AGRN: variants seen among roughly 807,000 people sequenced by gnomAD.
AGRN encodes the protein agrin proteoglycan.
A neutral mutation model predicts 211.0 loss-of-function variants in AGRN; 106 were observed. That is an observed-to-expected ratio of 0.50 (90% CI 0.43 to 0.59). The LOEUF (loss-of-function observed/expected upper bound fraction) is 0.59, where lower values mean the gene tolerates loss of function less well. Among genes scored for constraint, AGRN ranks in the 20% least tolerant of loss-of-function variants. The pLI is 0.00. For synonymous variants in AGRN, 1,525 were observed against 1,332.5 expected (o/e 1.14, Z -3.15); for missense variants, 3,040 against 2,982.6 (o/e 1.02, Z -0.45).
At position 1,050,270 on chromosome 1, in the gene AGRN, C is replaced by G. The variant is rs1645242609; in HGVS notation, c.4917C>G (p.Asp1639Glu). ...GQDGSGPFLA[D>E]FNGFSHLELR... ...ACGGCTCTGGGCCCTTCCTGGCTGACTTCAACGGCTTCTCCCACCTGGAGC... is the reference window on the plus strand; with the variant it reads ...ACGGCTCTGGGCCCTTCCTGGCTGAGTTCAACGGCTTCTCCCACCTGGAGC... The change falls in exon 28 of 36, where the codon GAC (aspartate) becomes GAG (glutamate). Residue 1639 changes from aspartate to glutamate, a missense_variant. This residue lies in a region of AGRN where 1,537 missense variants were observed against 1,505.0 expected (regional missense o/e 1.02). Transcript: ENST00000379370. 6.2e-7 allele frequency: 1 copy of G among 1,613,032 alleles called. No individual in the cohort carries two copies. The highest frequency in any genetic ancestry group is 1.3e-5 in the African/African-American group (1 of 74,850).
At chr1:1,054,705 T>G (rs1645404715) in intron 35 of AGRN, 119 bp from the exon 36 acceptor site, 1 of 1,487,230 alleles carries the variant, frequency 6.7e-7, no homozygotes, top group Admixed American at 2.0e-5. Context: ...CAGTTCCCAG[T>G]GCTGTGGGGC....
Position 1,055,050 on chromosome 1 carries a change from G to A in AGRN, c.*69G>A. On this transcript the variant is annotated 3_prime_UTR_variant, in exon 36 of 36. Coordinates refer to ENST00000379370, the MANE Select transcript of AGRN (RefSeq NM_198576.4). ...TTGTAAACTTGTTGCTTTTTGATAT[G>A]ATTTTCTTGCCTGAGTGTTGGCCGG... is the stretch of plus-strand genomic sequence containing the variant. 1 of 1,535,608 alleles carries A rather than the reference G, an allele frequency of 6.5e-7. No homozygotes were observed. The highest frequency in any genetic ancestry group is 1.2e-5 in the South Asian group (1 of 83,672).
chr1:1,045,980 G>A lies in AGRN; in HGVS notation c.2697G>A (p.Ala899=), dbSNP rs766144721. Residue 899 remains alanine, a synonymous_variant, in exon 16 of 36, where the codon GCG becomes GCA. Transcript: ENST00000379370. The part of the protein sequence containing the change: ...AGCEADASAP[A]TCAEMRCEFG... The stretch of plus-strand genomic sequence containing the variant: ...GTGCCCCAGACGCTTCTGCGCCTGC[G>A]ACCTGTGCGGAGATGCGCTGTGAGT... The A allele has an allele frequency of 5.0e-5, 80 of 1,613,714 alleles. 1 individual carries two copies. The highest frequency in any genetic ancestry group is 9.9e-5 in the South Asian group (9 of 91,092).
At chr1:1,052,150 C>A in intron 33 of AGRN, 2 of 1,140,192 alleles carry the variant, frequency 1.8e-6, no homozygotes, top group South Asian at 1.3e-5. Flanking sequence ...CGCTATTTGG[C>A]TGCAAGAGGC....
intron 2 of AGRN, among the ~76,000 whole-genome samples, chr1:1,028,466 G>T (rs899742125): frequency 1.3e-5 from 2 of 152,030 alleles, no homozygotes; most frequent in Non-Finnish European, 2.9e-5. Flanking sequence ...GCCTGTGTGC[G>T]GTGCATGGGC....
rs1645179558 is a variant in AGRN, at chr1:1,048,824, C to T, written c.4106-43C>T. On this transcript the variant is annotated intron_variant, in intron 23 of 35. Coordinates refer to ENST00000379370, the MANE Select transcript of AGRN (RefSeq NM_198576.4). This position sits in a 1 kb window ranked among gnomAD's most constrained non-coding sequence, Gnocchi z 5.9. The stretch of plus-strand genomic sequence containing the variant: ...GGTTTCAGGGATAAAAGTGGGGAAT[C>T]CTCGGAGCTTTTCCAGCCGGCCCTC... 5 of 1,500,818 alleles carry T rather than the reference C, an allele frequency of 3.3e-6. No homozygotes were observed. The highest frequency in any genetic ancestry group is 3.9e-4 in the Middle Eastern group (2 of 5,096). The allele number at this position is 1,500,818 out of a possible 1,614,324, so 93.0% of individuals were successfully genotyped here. A position where few individuals can be genotyped will look rare whatever the true frequency, so the allele number is the denominator to read the frequency against.
rs1267454637 is a variant in AGRN at position 1,048,740 on chromosome 1, C to T, written c.4106-127C>T. On this transcript the variant is annotated intron_variant, in intron 23 of 35. Coordinates refer to ENST00000379370, the MANE Select transcript of AGRN (RefSeq NM_198576.4). This position sits in a 1 kb window ranked among gnomAD's most constrained non-coding sequence, Gnocchi z 5.9. ...CAGGATCGCGCCACTGCACTCCAGCCGGGGCAAAAAGAGCAAAACTCCGTC... is the reference window on the plus strand; with the variant it reads ...CAGGATCGCGCCACTGCACTCCAGCTGGGGCAAAAAGAGCAAAACTCCGTC... 1.6e-5 allele frequency: 19 copies of T among 1,166,716 alleles called. No homozygotes were observed. Among genetic ancestry groups the T allele is most frequent in the African/African-American group, 5.4e-5 (3 of 55,424 alleles). The allele number at this position is 1,166,716 out of a possible 1,614,324, so 72.3% of individuals were successfully genotyped here.
chr1:1,039,677 G>A (rs1055096151), intron 3 of AGRN, among the ~76,000 whole-genome samples: 9 of 152,134 alleles, frequency 5.9e-5, no homozygotes, highest in Admixed American at 5.2e-4. Flanking sequence ...GTGATGGGAC[G>A]TGTGTCAGGC....
intron 35 of AGRN, 125 bp downstream of exon 35, chr1:1,054,676 T>C (rs886186028): frequency 1.1e-4 from 163 of 1,482,790 alleles, no homozygotes; most frequent in Non-Finnish European, 1.4e-4. Flanking sequence ...TGGGCTCTCT[T>C]CTCCCGCTGT....
rs779593673 is a variant in AGRN at position 1,046,248 on chromosome 1, G to A, written c.2894G>A (p.Ser965Asn). The change falls in exon 17 of 36, where the codon AGC (serine) becomes AAC (asparagine). Residue 965 changes from serine to asparagine, a missense_variant. Physicochemically the swap from Ser to Asn is conservative, Grantham distance 46. Around this residue, in one of 3 missense-constraint regions of AGRN, gnomAD observed 1,498 missense variants for 1,457.8 expected, o/e 1.03. Coordinates refer to ENST00000379370, the MANE Select transcript of AGRN (RefSeq NM_198576.4). ...CAGGGCCTGCAAATCTCTATCCAGAGCCTGGGCCCGTGCCAGGGTGAGGCC... is the reference window on the plus strand; with the variant it reads ...CAGGGCCTGCAAATCTCTATCCAGAACCTGGGCCCGTGCCAGGGTGAGGCC... ...CRQGLQISIQ[S>N]LGPCQEAVAP... 62 of 1,613,476 alleles carry A rather than the reference G, an allele frequency of 3.8e-5. 2 individuals are homozygous for A. The South Asian group carries it at 6.5e-4, about 17-fold the overall frequency.
At chr1:1,039,805 C>G (rs1298905316) in intron 3 of AGRN, among the ~76,000 whole-genome samples, 2 of 151,528 alleles carry the variant, frequency 1.3e-5, no homozygotes, top group African/African-American at 4.9e-5. Flanking sequence ...AGGTGGGGGG[C>G]CGGGGGATGC....
Position 1,020,681 on chromosome 1 carries a change from A to AGG in AGRN, c.201+314_201+315dup, listed in dbSNP as rs199682825. Among the ~76,000 whole-genome samples, 242 of 151,616 alleles carry AGG rather than the reference A, an allele frequency of 1.6e-3. 1 individual carries two copies. Among genetic ancestry groups the AGG allele is most frequent in the African/African-American group, 5.1e-3 (213 of 41,362 alleles). ...GGCCGAGAAGGAGAGGGGCCTGGGG[A>AGG]GGGGGGGCCTTTGCCCGGGCGGGGA... On this transcript the variant is annotated intron_variant, in intron 1 of 35. Transcript: ENST00000379370.
At position 1,043,467 on chromosome 1, in the gene AGRN, G is replaced by A. The variant is rs60074964; in HGVS notation, c.1603+10G>A. On this transcript the variant is annotated intron_variant, in intron 8 of 35. Coordinates refer to ENST00000379370, the MANE Select transcript of AGRN (RefSeq NM_198576.4). ...CGCAAAGGACCCTGTGGTCAGTGGC[G>A]GGTGAGGGGTCTGGTGGGGGTCGGG... The A allele has an allele frequency of 1.0e-3, 1,602 of 1,596,854 alleles. 11 individuals carry two copies. In the African/African-American group the frequency reaches 0.019, roughly 19 times the overall value.
chr1:1,047,045 C>G, intron 19 of AGRN, 88 bp downstream of exon 19: 1 of 1,534,586 alleles, frequency 6.5e-7, no homozygotes, highest in Non-Finnish European at 8.8e-7. Context: ...AGGTCAGTGC[C>G]GGGGGTTATG....
Position 1,046,091 on chromosome 1 carries a change from G to T in AGRN, c.2805+3G>T. ...GTCCAGAGGCCAACGCTACCAAGGT[G>T]AGGGGTGTGGGATGTGAAGGGGAGT... On this transcript the variant is annotated splice_donor_region_variant and intron_variant, in intron 16 of 35. Transcript: ENST00000379370. 6.2e-7 allele frequency: 1 copy of T among 1,614,048 alleles called. No homozygotes were observed.
Position 1,029,774 on chromosome 1 carries a change from AGT to A in AGRN, c.464-5499_464-5498del, listed in dbSNP as rs1491414176. Among the ~76,000 whole-genome samples, 4 of 78,634 alleles carry A rather than the reference AGT, an allele frequency of 5.1e-5. 1 individual carries two copies. In the South Asian group the frequency reaches 1.5e-3, roughly 30 times the overall value. The allele number at this position is 78,634 out of a possible 152,430, so 51.6% of individuals were successfully genotyped here. ...TGTGTGTGCAGTGCATGGTGCTGTG[AGT>A]GTGAGATCGTGTGTGTGTATGCAGT... On this transcript the variant is annotated intron_variant, in intron 2 of 35. Coordinates refer to ENST00000379370, the MANE Select transcript of AGRN (RefSeq NM_198576.4).
In AGRN at chr1:1,046,733, G is replaced by A. The variant is rs553768689; in HGVS notation, c.3248G>A (p.Gly1083Glu). 1.3e-6 allele frequency: 2 copies of A among 1,579,562 alleles called. No individual in the cohort carries two copies. Among genetic ancestry groups the A allele is most frequent in the East Asian group, 2.3e-5 (1 of 44,176 alleles). ...GDQEASGGGS[G>E]GLEPLEGSSV... ...CAGGAGGCCAGTGGGGGTGGCTCTG[G>A]GGGTGAGCAGGGATCAAGGACTTGG... Residue 1083 changes from glycine (G) to glutamate (E), a missense_variant and splice_region_variant, in exon 18 of 36, where the codon GGG becomes GAG. Coordinates refer to ENST00000379370, the MANE Select transcript of AGRN (RefSeq NM_198576.4).
chr1:1,050,472 C>A lies in AGRN; in HGVS notation c.5022C>A (p.Ser1674Arg). ...LEVVFLARGP[S>R]GLLLYNGQKT... ...TCGTGTTCCTGGCACGAGGCCCCAG[C>A]GGCCTCCTGCTCTACAACGGGCAGA... Residue 1674 changes from serine (S) to arginine (R), a missense_variant, in exon 29 of 36, where the codon AGC (serine) becomes AGA (arginine). Physicochemically the swap from Ser to Arg is moderately radical, Grantham distance 110. This residue lies in a region of AGRN where 1,537 missense variants were observed against 1,505.0 expected (regional missense o/e 1.02). Coordinates refer to ENST00000379370, the MANE Select transcript of AGRN (RefSeq NM_198576.4). The A allele has an allele frequency of 2.5e-6, 4 of 1,612,916 alleles. No individual in the cohort carries two copies. Among genetic ancestry groups the A allele is most frequent in the Non-Finnish European group, 3.4e-6 (4 of 1,179,892 alleles).
rs1645202356 is a variant in AGRN, at chr1:1,049,294, C to T, written c.4357C>T (p.Gln1453Ter). The T allele has an allele frequency of 6.3e-7, 1 of 1,597,008 alleles. No homozygotes were observed. Among genetic ancestry groups the T allele is most frequent in the Non-Finnish European group, 8.5e-7 (1 of 1,178,756 alleles). The change falls in exon 25 of 36, where the codon CAG becomes TAG. Residue 1453 changes from glutamine to a stop codon, truncating the protein, a stop_gained. Coordinates refer to ENST00000379370, the MANE Select transcript of AGRN (RefSeq NM_198576.4). LOFTEE classifies it high-confidence loss of function. ...LTSAVPVEPG[Q>*]WHRLELSRHW... The stretch of plus-strand genomic sequence containing the variant: ...CAGTGCCGTGCCGGTAGAGCCGGGC[C>T]AGTGGCACCGCCTGGAGCTGTCCCG...
Sources: gnomAD v4.1 joint callset for allele counts (sites outside exome capture counted in the v4.1 genomes callset) on GRCh38, gnomAD v4.1.1 for gene constraint, gnomAD v4.1.1 regional missense constraint, Gnocchi (gnomAD v3.1) non-coding constraint, MANE v1.5 for transcripts, NCBI Gene and HGNC (gene_info 2026-07-23, HGNC 2026-07-21) for gene names.